The following SRC variants were observed in gnomAD, a reference collection of about 807,000 sequenced individuals.
SRC encodes the protein SRC proto-oncogene, non-receptor tyrosine kinase, also known as proto-oncogene tyrosine-protein kinase Src.
SRC carries 13 observed loss-of-function variants against 62.9 expected under a neutral mutation model. The ratio of observed to expected loss-of-function variants is 0.21; its 90% CI spans 0.13 to 0.33. SRC has a LOEUF of 0.33. Ranked by LOEUF, SRC falls within the 10% of genes least tolerant of loss-of-function variation. SRC has a pLI of 1.00. For synonymous variants in SRC, 302 were observed against 317.5 expected (o/e 0.95, Z 0.52); for missense variants, 457 against 737.3 (o/e 0.62, Z 4.40).
At chr20:37,391,957 G>C (rs529399826) in intron 5 of SRC, among the ~76,000 whole-genome samples, 1 of 152,316 alleles carries the variant, frequency 6.6e-6, no homozygotes, top group East Asian at 1.9e-4. Context: ...TTCATCTGGG[G>C]CCTGGAGCCC....
chr20:37,354,375 G>A (rs534170712), intron 1 of SRC, among the ~76,000 whole-genome samples: 44 of 152,310 alleles, frequency 2.9e-4, no homozygotes, highest in African/African-American at 9.4e-4. Context: ...GTGTGCACCC[G>A]GTGGGGCTGG....
chr20:37,383,879 G>A (rs915476089), intron 3 of SRC, among the ~76,000 whole-genome samples: 3 of 151,116 alleles, frequency 2.0e-5, no homozygotes, highest in African/African-American at 7.4e-5. Context: ...CTACAGGCGC[G>A]TGCCACCATG....
At chr20:37,392,521 C>T (rs1363699572) in intron 5 of SRC, among the ~76,000 whole-genome samples, 1 of 152,228 alleles carries the variant, frequency 6.6e-6, no homozygotes, top group African/African-American at 2.4e-5. Context: ...TGCCGTGTGT[C>T]TTCTCAGGGT....
intron 2 of SRC, among the ~76,000 whole-genome samples, chr20:37,371,229 G>T (rs2146981793): frequency 6.6e-6 from 1 of 152,146 alleles, no homozygotes; most frequent in South Asian, 2.1e-4. Flanking sequence ...CCTGAACTCA[G>T]GTGATCTGCC....
At chr20:37,357,974 AG>A (rs1300079917) in intron 1 of SRC, among the ~76,000 whole-genome samples, 5 of 152,158 alleles carry the variant, frequency 3.3e-5, no homozygotes, top group African/African-American at 1.2e-4. Flanking sequence ...GGGTTGGTGG[AG>A]GCCACTGAGG....
rs950614364 is a variant in SRC at position 37,403,196 on chromosome 20, C to A, written c.1428C>A (p.Asp476Glu). 16 of 1,558,506 alleles carry A rather than the reference C, an allele frequency of 1.0e-5. No homozygotes were observed. The highest frequency in any genetic ancestry group is 1.4e-5 in the Non-Finnish European group (16 of 1,155,878). ...GGATGGTGAACCGCGAGGTGCTGGA[C>A]CAGGTGGAGCGGGGCTACCGGATGC... is the stretch of plus-strand genomic sequence containing the variant. ...YPGMVNREVL[D>E]QVERGYRMPC... The change falls in exon 14 of 14, where the codon GAC becomes GAA. Residue 476 changes from aspartate (D) to glutamate (E), a missense_variant. This residue lies in a region of SRC where 168 missense variants were observed against 357.8 expected (regional missense o/e 0.47). Transcript: ENST00000373578. The surrounding 1 kb of genome is among the most constrained non-coding windows in gnomAD (Gnocchi z 7.1).
At chr20:37,361,651 C>T (rs1451570146) in intron 1 of SRC, among the ~76,000 whole-genome samples, 1 of 152,200 alleles carries the variant, frequency 6.6e-6, no homozygotes, top group East Asian at 1.9e-4. Flanking sequence ...CAGCCATCAC[C>T]CATCAGGGGT....
At chr20:37,367,325 G>A (rs1318818982) in intron 2 of SRC, among the ~76,000 whole-genome samples, 2 of 148,824 alleles carry the variant, frequency 1.3e-5, no homozygotes, top group East Asian at 2.0e-4. Flanking sequence ...AGTGATCCTC[G>A]CACCTCAGCC....
At chr20:37,344,920 T>C (rs1032183724), upstream of SRC, 2 of 152,466 alleles carry the variant, frequency 1.3e-5, no homozygotes, top group African/African-American at 4.8e-5. Flanking sequence ...CTGATCGACT[T>C]GTCCACCCCA....
At chr20:37,364,008 T>A (rs1391515297) in intron 1 of SRC, among the ~76,000 whole-genome samples, 1 of 151,632 alleles carries the variant, frequency 6.6e-6, no homozygotes, top group African/African-American at 2.4e-5. Context: ...TCCCCCTCCA[T>A]CCCCGCACAG....
rs116461225 is a variant in SRC, at chr20:37,371,627, T to C, written c.-173+6350T>C. On this transcript the variant is annotated intron_variant, in intron 2 of 13. Coordinates refer to ENST00000373578, the MANE Select transcript of SRC (RefSeq NM_198291.3). The stretch of plus-strand genomic sequence containing the variant: ...CTTCCTTGTATAGCTTTAGGTTTAG[T>C]TTGCTCTTCTTTTCACAGTGTCTTA... Among the ~76,000 whole-genome samples the C allele has an allele frequency of 3.5e-3, 531 of 152,308 alleles. 5 individuals are homozygous for C. The highest frequency in any genetic ancestry group is 0.012 in the African/African-American group (508 of 41,580).
chr20:37,359,296 C>T (rs1219339360), intron 1 of SRC, among the ~76,000 whole-genome samples: 1 of 152,234 alleles, frequency 6.6e-6, no homozygotes, highest in East Asian at 1.9e-4. Context: ...CTGCAGATAG[C>T]AAGGAACCAA....
At chr20:37,347,352 G>A (rs532987579) in intron 1 of SRC, among the ~76,000 whole-genome samples, 7 of 151,576 alleles carry the variant, frequency 4.6e-5, no homozygotes, top group Non-Finnish European at 1.5e-5. Flanking sequence ...GGGGGATCAA[G>A]GCACCGAGTC....
chr20:37,397,668 C>A lies in SRC; in HGVS notation c.704-31C>A, dbSNP rs749290951. The A allele has an allele frequency of 2.0e-6, 3 of 1,531,920 alleles. No homozygotes were observed. The East Asian group carries it at 7.0e-5, about 36-fold the overall frequency. 94.9% of individuals were successfully genotyped at this position (1,531,920 alleles called of 1,614,324 possible). The stretch of plus-strand genomic sequence containing the variant: ...CAGGGAGGCCCCAGGGCAGAAGACC[C>A]GCCTAACTGCTCCTCCTGCCTCCTC... On this transcript the variant is annotated intron_variant, in intron 8 of 13. Coordinates refer to ENST00000373578, the MANE Select transcript of SRC (RefSeq NM_198291.3). The surrounding 1 kb of genome is among the most constrained non-coding windows in gnomAD (Gnocchi z 4.1).
rs1017795579 is a variant in SRC, at chr20:37,384,954, A to C, written c.250+551A>C. Among the ~76,000 whole-genome samples, 8 of 151,824 alleles carry C rather than the reference A, an allele frequency of 5.3e-5. No individual in the cohort carries two copies. Among genetic ancestry groups the C allele is most frequent in the Admixed American group, 4.6e-4 (7 of 15,260 alleles). The stretch of plus-strand genomic sequence containing the variant: ...CACTCCACGCAGACTTCACTCCTTC[A>C]CTCAGACCCGTTCACTCTCCCCACA... On this transcript the variant is annotated intron_variant, in intron 4 of 13. Coordinates refer to ENST00000373578, the MANE Select transcript of SRC (RefSeq NM_198291.3). This position sits in a 1 kb window ranked among gnomAD's most constrained non-coding sequence, Gnocchi z 6.7.
chr20:37,384,258 G>A lies in SRC; in HGVS notation c.105G>A (p.Ser35=), dbSNP rs747945458. The A allele has an allele frequency of 6.4e-7, 1 of 1,560,908 alleles. No homozygotes were observed. ...HGAGGGAFPA[S]QTPSKPASAD... is the part of the protein sequence containing the mutation. ...CTGGCGGGGGCGCTTTCCCCGCCTC[G>A]CAGACCCCCAGCAAGCCAGCCTCGG... Residue 35 remains serine, a synonymous_variant, in exon 4 of 14, where the codon TCG becomes TCA. Coordinates refer to ENST00000373578, the MANE Select transcript of SRC (RefSeq NM_198291.3). The surrounding 1 kb of genome is among the most constrained non-coding windows in gnomAD (Gnocchi z 6.7).
At position 37,397,952 on chromosome 20, in the gene SRC, T is replaced by A; in HGVS notation, c.859+98T>A. 1 of 1,392,656 alleles carries A rather than the reference T, an allele frequency of 7.2e-7. No individual in the cohort carries two copies. Among genetic ancestry groups the A allele is most frequent in the Non-Finnish European group, 9.6e-7 (1 of 1,047,004 alleles). The allele number at this position is 1,392,656 out of a possible 1,614,324, so 86.3% of individuals were successfully genotyped here. ...TCCCTTTGCCTTTAGCTGCCTCTGCTGGATGACGGGGCCCTGTTGTAAATC... is the reference window on the plus strand; with the variant it reads ...TCCCTTTGCCTTTAGCTGCCTCTGCAGGATGACGGGGCCCTGTTGTAAATC... On this transcript the variant is annotated intron_variant, in intron 9 of 13. Transcript: ENST00000373578. The surrounding 1 kb of genome is among the most constrained non-coding windows in gnomAD (Gnocchi z 4.1).
Position 37,386,081 on chromosome 20 carries a change from T to A in SRC, c.257T>A (p.Val86Glu), listed in dbSNP as rs777586605. 1 of 1,613,804 alleles carries A rather than the reference T, an allele frequency of 6.2e-7. No individual in the cohort carries two copies. Among genetic ancestry groups the A allele is most frequent in the Non-Finnish European group, 8.5e-7 (1 of 1,179,718 alleles). ...PQRAGPLAGG[V>E]TTFVALYDYE... ...ACCCCACCCCTCTCTGCAGGTGGAG[T>A]GACCACCTTTGTGGCCCTCTATGAC... Residue 86 changes from valine to glutamate, a missense_variant, in exon 5 of 14, where the codon GTG (valine) becomes GAG (glutamate). By Grantham distance (121) the Val-to-Glu change is moderately radical. This residue lies in a region of SRC where 132 missense variants were observed against 135.4 expected (regional missense o/e 0.98). Transcript: ENST00000373578.
chr20:37,365,914 G>A (rs2070056570), intron 2 of SRC, among the ~76,000 whole-genome samples: 1 of 151,202 alleles, frequency 6.6e-6, no homozygotes, highest in Non-Finnish European at 1.5e-5. Context: ...ACAAATGATA[G>A]CACACACTCT....
Sources: allele counts gnomAD v4.1 joint callset (sites outside exome capture counted in the v4.1 genomes callset), GRCh38; gene constraint gnomAD v4.1.1; regional missense constraint gnomAD v4.1.1; non-coding constraint Gnocchi (gnomAD v3.1); transcripts MANE v1.5; gene names NCBI Gene and HGNC (gene_info 2026-07-23, HGNC 2026-07-21).